The following MDGA2 variants were observed in gnomAD, a reference collection of about 807,000 sequenced individuals.
MDGA2 encodes MAM domain-containing glycosylphosphatidylinositol anchor protein 2.
A neutral mutation model predicts 117.8 loss-of-function variants in MDGA2; 40 were observed. The ratio of observed to expected loss-of-function variants is 0.34; its 90% CI spans 0.26 to 0.44. The LOEUF (loss-of-function observed/expected upper bound fraction) is 0.44. MDGA2 is among the 20% of genes least tolerant of loss of function. The pLI, the probability that MDGA2 is intolerant of heterozygous loss-of-function variation, is 1.00. For synonymous variants in MDGA2, 452 were observed against 439.0 expected, an observed-to-expected ratio of 1.03 and a Z score of -0.37; for missense variants, 1,123 against 1,250.6, an observed-to-expected ratio of 0.90 and a Z score of 1.54.
At chr14:47,556,643 C>A (rs1344239197) in intron 1 of MDGA2, among the ~76,000 whole-genome samples, 3 of 152,104 alleles carry the variant, frequency 2.0e-5, no homozygotes, top group Non-Finnish European at 4.4e-5. Flanking sequence ...TCCCAGTCTG[C>A]AGAATGGAGA....
chr14:46,897,932 G>T (rs1883144809), intron 10 of MDGA2, among the ~76,000 whole-genome samples: 1 of 151,800 alleles, frequency 6.6e-6, no homozygotes, highest in African/African-American at 2.4e-5. Flanking sequence ...TAATTTAAAA[G>T]TAAAAAATGA....
At chr14:47,101,320 T>C (rs1378384766) in intron 5 of MDGA2, among the ~76,000 whole-genome samples, 4 of 152,146 alleles carry the variant, frequency 2.6e-5, no homozygotes, top group East Asian at 1.9e-4. Flanking sequence ...TTAGAAAATA[T>C]CTTTGAGAAA....
chr14:47,549,912 G>C (rs1435737260), intron 1 of MDGA2, among the ~76,000 whole-genome samples: 2 of 152,178 alleles, frequency 1.3e-5, no homozygotes, highest in African/African-American at 4.8e-5. Flanking sequence ...CTCCAGAACT[G>C]TGAGACAATA....
chr14:47,668,327 T>C (rs1594973280), intron 1 of MDGA2, among the ~76,000 whole-genome samples: 1 of 152,214 alleles, frequency 6.6e-6, no homozygotes, highest in Non-Finnish European at 1.5e-5. Context: ...TGCCCCATTA[T>C]TTTAATAAGA....
intron 9 of MDGA2, among the ~76,000 whole-genome samples, chr14:46,945,377 G>A (rs537135271): frequency 6.6e-6 from 1 of 152,176 alleles, no homozygotes; most frequent in East Asian, 1.9e-4. Context: ...TCATCAGGAT[G>A]TTTAGAATTT....
At chr14:46,930,261 T>C (rs1490102918) in intron 9 of MDGA2, among the ~76,000 whole-genome samples, 2 of 152,168 alleles carry the variant, frequency 1.3e-5, no homozygotes, top group Non-Finnish European at 2.9e-5. Context: ...TAGTCCCAAT[T>C]GCACTTTGTA....
In MDGA2 at chr14:47,661,746, CTTTTTTT is replaced by C. The variant is rs1172717995; in HGVS notation, c.280+12764_280+12770del. 4.1e-4 allele frequency among the ~76,000 whole-genome samples: 40 copies of C among 97,214 alleles called. No individual in the cohort carries two copies. In the South Asian group the frequency reaches 0.012, roughly 30 times the overall value. The allele number at this position is 97,214 out of a possible 152,430, so 63.8% of individuals were successfully genotyped here. On this transcript the variant is annotated intron_variant, in intron 1 of 16. Coordinates refer to ENST00000399232, the MANE Select transcript of MDGA2 (RefSeq NM_001113498.3). ...GCAAAAAACGAAGTAATCAGAGTTTCTTTTTTTTTTTTTTTTTTTTTTGAGACAGAGT... is the reference window on the plus strand; with the variant it reads ...GCAAAAAACGAAGTAATCAGAGTTTCTTTTTTTTTTTTTTTGAGACAGAGT...
intron 1 of MDGA2, among the ~76,000 whole-genome samples, chr14:47,518,940 A>T (rs974981243): frequency 2.0e-5 from 3 of 152,206 alleles, no homozygotes; most frequent in Non-Finnish European, 4.4e-5. Flanking sequence ...ACAGTGGCTC[A>T]TACCTGTAAT....
chr14:47,096,021 A>C (rs1010534608), intron 6 of MDGA2, among the ~76,000 whole-genome samples: 5 of 151,968 alleles, frequency 3.3e-5, no homozygotes, highest in African/African-American at 4.8e-5. Context: ...CTCTTTGTAC[A>C]TCTGCCTCAG....
intron 8 of MDGA2, among the ~76,000 whole-genome samples, chr14:47,017,311 A>G (rs995976850): frequency 6.6e-6 from 1 of 151,836 alleles, no homozygotes; most frequent in African/African-American, 2.4e-5. Context: ...AAAAAAAAAA[A>G]AAGAAGAAGA....
chr14:47,582,408 A>G (rs1474571771), intron 1 of MDGA2, among the ~76,000 whole-genome samples: 1 of 151,868 alleles, frequency 6.6e-6, no homozygotes, highest in Non-Finnish European at 1.5e-5. Flanking sequence ...GCTGAATCTG[A>G]TATTTACACT....
chr14:47,513,940 T>C (rs959562092), intron 1 of MDGA2, among the ~76,000 whole-genome samples: 3 of 152,132 alleles, frequency 2.0e-5, no homozygotes, highest in Non-Finnish European at 4.4e-5. Flanking sequence ...ACATCTGAAA[T>C]AATGCAAAAG....
At position 47,597,845 on chromosome 14, in the gene MDGA2, T is replaced by TACACAC. The variant is rs35221587; in HGVS notation, c.280+76666_280+76671dup. ...CACAGAGACGCACACCACACACACATACACACACACACACACACACACACA... is the reference window on the plus strand; with the variant it reads ...CACAGAGACGCACACCACACACACATACACACACACACACACACACACACACACACA... On this transcript the variant is annotated intron_variant, in intron 1 of 16. Transcript: ENST00000399232. Among the ~76,000 whole-genome samples the TACACAC allele has an allele frequency of 0.032, 4,475 of 141,320 alleles. 319 individuals are homozygous for TACACAC. The East Asian group carries it at 0.32, about 10-fold the overall frequency. 92.7% of individuals were successfully genotyped at this position (141,320 alleles called of 152,430 possible). A position where few individuals can be genotyped will look rare whatever the true frequency, so the allele number is the denominator to read the frequency against.
At chr14:47,481,122 G>A (rs1893946299) in intron 1 of MDGA2, among the ~76,000 whole-genome samples, 1 of 151,918 alleles carries the variant, frequency 6.6e-6, no homozygotes, top group Non-Finnish European at 1.5e-5. Context: ...TCCAGTTCTT[G>A]CCTAAGTTAT....
intron 9 of MDGA2, among the ~76,000 whole-genome samples, chr14:46,939,888 T>G (rs556984580): frequency 6.6e-6 from 1 of 152,286 alleles, no homozygotes; most frequent in African/African-American, 2.4e-5. Flanking sequence ...TTGGGTATGG[T>G]TGCTCACAAC....
At chr14:47,273,581 G>A (rs1888215253) in intron 2 of MDGA2, among the ~76,000 whole-genome samples, 1 of 152,084 alleles carries the variant, frequency 6.6e-6, no homozygotes, top group Non-Finnish European at 1.5e-5. Flanking sequence ...GTCACTTTCA[G>A]TATGTAAATA....
At chr14:47,437,854 C>A (rs1464183849) in intron 1 of MDGA2, among the ~76,000 whole-genome samples, 1 of 152,152 alleles carries the variant, frequency 6.6e-6, no homozygotes, top group African/African-American at 2.4e-5. Context: ...CATTAATGAG[C>A]TCTAGCACTA....
At chr14:47,225,690 A>T (rs1485898124) in intron 2 of MDGA2, among the ~76,000 whole-genome samples, 1 of 151,936 alleles carries the variant, frequency 6.6e-6, no homozygotes, top group Non-Finnish European at 1.5e-5. Flanking sequence ...GAGGGATAGC[A>T]TTAGGAGATA....
rs144293595 is a variant in MDGA2, at chr14:47,213,610, A to G, written c.595+4411T>C. Among the ~76,000 whole-genome samples, 334 of 109,970 alleles carry G rather than the reference A, an allele frequency of 3.0e-3. 2 individuals are homozygous for G. Among genetic ancestry groups the G allele is most frequent in the African/African-American group, 0.012 (313 of 26,960 alleles). 72.1% of individuals were successfully genotyped at this position (109,970 alleles called of 152,430 possible). A position where few individuals can be genotyped will look rare whatever the true frequency, so the allele number is the denominator to read the frequency against. On this transcript the variant is annotated intron_variant, in intron 3 of 16. Transcript: ENST00000399232. ...TATCTTCTTACGTAGTATCTACTTG[A>G]TTGTAAAATTTTGTTTTACTGTTTT...
Sources: gnomAD v4.1 joint callset for allele counts (sites outside exome capture counted in the v4.1 genomes callset) on GRCh38, gnomAD v4.1.1 for gene constraint, MANE v1.5 for transcripts, NCBI Gene and HGNC (gene_info 2026-07-23, HGNC 2026-07-21) for gene names.